MAJIN: variants seen among roughly 807,000 people sequenced by gnomAD.
MAJIN encodes membrane-anchored junction protein.
In MAJIN, 27 loss-of-function variants were observed where a neutral mutation model predicts 30.2. The observed-to-expected ratio is 0.89, with a 90% confidence interval of 0.66 to 1.23. The LOEUF is 1.23. MAJIN is among the 50% of genes most tolerant of loss of function. The pLI is 0.00. For synonymous variants in MAJIN, 78 were observed against 91.6 expected (o/e 0.85, Z 0.85); for missense variants, 253 against 260.3 (o/e 0.97, Z 0.19).
intron 8 of MAJIN, among the ~76,000 whole-genome samples, chr11:64,942,188 A>T (rs1590689444): frequency 1.3e-5 from 2 of 152,026 alleles, no homozygotes; most frequent in Admixed American, 6.6e-5. Flanking sequence ...CCCAGCAGTG[A>T]TGGAGCTCCT....
Position 64,954,486 on chromosome 11 carries a change from A to G in MAJIN, c.147+271T>C, listed in dbSNP as rs970270770. ...AATCTTTCTCTATGCCAGCTGCAAC[A>G]AAAGAGAGCTGCCCAAGGCTGGAAA... On this transcript the variant is annotated intron_variant, in intron 4 of 10. Coordinates refer to ENST00000301896, the MANE Select transcript of MAJIN (RefSeq NM_001037225.3). 25 of 528,226 alleles carry G rather than the reference A, an allele frequency of 4.7e-5. No homozygotes were observed. The East Asian group carries it at 8.5e-4, about 18-fold the overall frequency. The allele number at this position is 528,226 out of a possible 1,614,324, so 32.7% of individuals were successfully genotyped here.
rs541879713 is a variant in MAJIN, at chr11:64,965,603, C to T, written c.-64-5468G>A. ...ATTCTGGAAATGCAATAGCGTCTCA[C>T]CTCACCACCCTGTCCAGTAGTTGTG... On this transcript the variant is annotated intron_variant, in intron 1 of 10. Transcript: ENST00000301896. Among the ~76,000 whole-genome samples the T allele has an allele frequency of 2.2e-4, 33 of 152,278 alleles. No individual in the cohort carries two copies. In the South Asian group the frequency reaches 3.3e-3, roughly 15 times the overall value.
chr11:64,940,539 T>A, intron 9 of MAJIN, 35 bp downstream of exon 9: 1 of 1,585,150 alleles, frequency 6.3e-7, no homozygotes, highest in Non-Finnish European at 8.7e-7. Context: ...GGGTGATTAT[T>A]AAAGGAGAAT....
chr11:64,962,948 G>A (rs936555853), intron 1 of MAJIN, among the ~76,000 whole-genome samples: 5 of 151,990 alleles, frequency 3.3e-5, no homozygotes, highest in African/African-American at 9.7e-5. Flanking sequence ...CCAATGTGGC[G>A]AAACCCCGCC....
At chr11:64,948,618 TATATATATATATATATATATA>T (rs1476187247) in intron 6 of MAJIN, among the ~76,000 whole-genome samples, 6 of 41,254 alleles carry the variant, frequency 1.5e-4, no homozygotes, top group African/African-American at 7.1e-4. Context: ...TATATATATA[TATATATATATATATATATATA>T]TTTTTTTTTT....
intron 5 of MAJIN, 119 bp from the exon 6 acceptor site, chr11:64,949,987 TACGTCCATTTGAGTCTA>T: frequency 2.2e-6 from 3 of 1,349,258 alleles, no homozygotes; most frequent in Non-Finnish European, 3.0e-6. Flanking sequence ...ATGGTTTTGC[TACGTCCATTTGAGTCTA>T]AAATGTGAGC....
At chr11:64,959,656 C>T (rs1187584272) in intron 2 of MAJIN, among the ~76,000 whole-genome samples, 6 of 152,144 alleles carry the variant, frequency 3.9e-5, no homozygotes. Flanking sequence ...CAAGTTTGAT[C>T]ATTTATGACC....
In MAJIN at chr11:64,938,572, A is replaced by AAACG; in HGVS notation, c.*2_*3insCGTT. On this transcript the variant is annotated splice_region_variant and 3_prime_UTR_variant, in exon 11 of 11. Transcript: ENST00000301896. Reference sequence around the variant, plus strand: ...AAGAAATATCGAAACGGGAAGAGAGAGCTGCAAGAATGAGAACAGAGTAGG... The same window carrying AAACG: ...AAGAAATATCGAAACGGGAAGAGAGAAACGGCTGCAAGAATGAGAACAGAGTAGG... 1 of 1,535,818 alleles carries AAACG rather than the reference A, an allele frequency of 6.5e-7. No homozygotes were observed. The highest frequency in any genetic ancestry group is 8.7e-7 in the Non-Finnish European group (1 of 1,146,696).
At chr11:64,968,553 G>C (rs1842440819) in intron 1 of MAJIN, among the ~76,000 whole-genome samples, 2 of 151,750 alleles carry the variant, frequency 1.3e-5, no homozygotes, top group Admixed American at 1.3e-4. Context: ...TGAGCCATCA[G>C]GCCAGGCATG....
chr11:64,958,599 A>AG (rs3048895), intron 3 of MAJIN, among the ~76,000 whole-genome samples: 1 of 39,706 alleles, frequency 2.5e-5, no homozygotes, highest in Non-Finnish European at 1.1e-4. Flanking sequence ...GTCTTGGGAG[A>AG]AAAAAAAAAA....
intron 10 of MAJIN, 58 bp downstream of exon 10, chr11:64,939,604 C>T: frequency 6.8e-7 from 1 of 1,462,444 alleles, no homozygotes; most frequent in Non-Finnish European, 9.5e-7. Context: ...CCCTGAAAGA[C>T]TCAATGAGCC....
chr11:64,951,919 C>T lies in MAJIN; in HGVS notation c.148-1489G>A, dbSNP rs150176991. Among the ~76,000 whole-genome samples, 606 of 152,152 alleles carry T rather than the reference C, an allele frequency of 4.0e-3. 6 individuals carry two copies. The highest frequency in any genetic ancestry group is 0.013 in the African/African-American group (542 of 41,508). ...TTTTTGTTTTTTTGAGACAGAATCTCGTTGTGTCACCCAGGCTGGAGTGCA... is the reference window on the plus strand; with the variant it reads ...TTTTTGTTTTTTTGAGACAGAATCTTGTTGTGTCACCCAGGCTGGAGTGCA... On this transcript the variant is annotated intron_variant, in intron 4 of 10. Transcript: ENST00000301896.
intron 1 of MAJIN, among the ~76,000 whole-genome samples, chr11:64,965,022 T>C (rs1055822747): frequency 3.3e-5 from 5 of 152,224 alleles, no homozygotes; most frequent in African/African-American, 9.6e-5. Context: ...ATTAGTGAAA[T>C]AATGCATGTA....
At chr11:64,956,715 G>A (rs2136782667) in intron 3 of MAJIN, among the ~76,000 whole-genome samples, 1 of 148,346 alleles carries the variant, frequency 6.7e-6, no homozygotes, top group Non-Finnish European at 1.5e-5. Context: ...GATCTGAGAG[G>A]GCTACTAATA....
rs757204393 is a variant in MAJIN, at chr11:64,954,760, C to A, written c.144G>T (p.Leu48=). The A allele has an allele frequency of 8.1e-6, 13 of 1,613,660 alleles. No homozygotes were observed. The African/African-American group carries it at 1.7e-4, about 22-fold the overall frequency. Residue 48 remains leucine, a synonymous_variant, in exon 4 of 11, where the codon CTG becomes CTT. Transcript: ENST00000301896. ...AGTCGTATGCTTCTTTCCCTACCTCCAGCTCCTGGGTGATGACTTCCTTAT... is the reference window on the plus strand; with the variant it reads ...AGTCGTATGCTTCTTTCCCTACCTCAAGCTCCTGGGTGATGACTTCCTTAT... ...IENKEVITQE[L]EDSVRVVLGN...
chr11:64,960,449 A>G (rs947692953), intron 1 of MAJIN, among the ~76,000 whole-genome samples: 1 of 152,156 alleles, frequency 6.6e-6, no homozygotes, highest in Non-Finnish European at 1.5e-5. Flanking sequence ...ACAAGCCTAT[A>G]AGTCTAAATT....
chr11:64,938,335 T>C lies in MAJIN; in HGVS notation c.*240A>G. 1.7e-6 allele frequency: 1 copy of C among 606,062 alleles called. No homozygotes were observed. Among genetic ancestry groups the C allele is most frequent in the Non-Finnish European group, 2.8e-6 (1 of 355,992 alleles). The allele number at this position is 606,062 out of a possible 1,614,324, so 37.5% of individuals were successfully genotyped here. On this transcript the variant is annotated 3_prime_UTR_variant, in exon 11 of 11. Transcript: ENST00000301896. ...ACATTTTAGAAAGTTCCATTCTTAATGTTTTAAATTGGGGGAAAAAATCTA... is the reference window on the plus strand; with the variant it reads ...ACATTTTAGAAAGTTCCATTCTTAACGTTTTAAATTGGGGGAAAAAATCTA...
intron 1 of MAJIN, among the ~76,000 whole-genome samples, chr11:64,969,906 G>A (rs565370075): frequency 6.6e-6 from 1 of 152,268 alleles, no homozygotes; most frequent in African/African-American, 2.4e-5. Flanking sequence ...TCTGAAAACA[G>A]GAGCCTTGGA....
chr11:64,965,599 C>G (rs909015859), intron 1 of MAJIN, among the ~76,000 whole-genome samples: 2 of 152,158 alleles, frequency 1.3e-5, no homozygotes, highest in Non-Finnish European at 2.9e-5. Context: ...GCAATAGCGT[C>G]TCACCTCACC....
Sources: gnomAD v4.1 joint callset for allele counts (sites outside exome capture counted in the v4.1 genomes callset) on GRCh38, gnomAD v4.1.1 for gene constraint, MANE v1.5 for transcripts, NCBI Gene and HGNC (gene_info 2026-07-23, HGNC 2026-07-21) for gene names.